The following KLHL4 variants were observed in gnomAD, a reference collection of about 807,000 sequenced individuals.
The protein encoded by KLHL4 is kelch like family member 4.
A neutral mutation model predicts 45.8 loss-of-function variants in KLHL4; 17 were observed. The observed-to-expected ratio is 0.37, with a 90% CI of 0.25 to 0.56. The LOEUF (loss-of-function observed/expected upper bound fraction) is 0.56, where lower values mean the gene tolerates loss of function less well. Ranked by LOEUF, KLHL4 falls within the 20% of genes least tolerant of loss-of-function variation. The pLI, the probability that KLHL4 is intolerant of heterozygous loss-of-function variation, is 0.79. For synonymous variants in KLHL4, 224 were observed against 189.9 expected, an observed-to-expected ratio of 1.18 and a Z score of -1.47; for missense variants, 544 against 544.9, an observed-to-expected ratio of 1.00 and a Z score of 0.02.
chrX:87,639,613 T>C (rs139752187), intron 9 of KLHL4, among the ~76,000 whole-genome samples: 5 of 111,301 alleles, frequency 4.5e-5, no homozygotes, highest in Non-Finnish European at 9.4e-5. Context: ...TGAATGATCA[T>C]TGGGTCACAG....
intron 1 of KLHL4, among the ~76,000 whole-genome samples, chrX:87,580,433 G>A (rs1225539691): frequency 1.8e-5 from 2 of 110,557 alleles, no homozygotes; most frequent in Non-Finnish European, 3.8e-5. Flanking sequence ...TTGCTGAATG[G>A]ATAAAAACGC....
At chrX:87,535,507 C>T (rs1931408611) in intron 1 of KLHL4, among the ~76,000 whole-genome samples, 1 of 111,437 alleles carries the variant, frequency 9.0e-6, no homozygotes, top group Non-Finnish European at 1.9e-5. Flanking sequence ...CATTTTATTC[C>T]ACTCTTTGCA....
At chrX:87,641,929 C>T (rs1923474423) in intron 9 of KLHL4, among the ~76,000 whole-genome samples, 1 of 107,605 alleles carries the variant, frequency 9.3e-6, no homozygotes, top group Non-Finnish European at 1.9e-5. Context: ...CCTAGCCCCA[C>T]CCCCACCTGA....
chrX:87,533,552 T>G (rs1297600510), intron 1 of KLHL4, among the ~76,000 whole-genome samples: 10 of 77,794 alleles, frequency 1.3e-4, no homozygotes, highest in African/African-American at 4.5e-4. Context: ...TGGGGACTGT[T>G]GTGGGGTGGG....
At chrX:87,660,543 G>C (rs1315397427) in intron 9 of KLHL4, among the ~76,000 whole-genome samples, 1 of 111,906 alleles carries the variant, frequency 8.9e-6, no homozygotes, top group Non-Finnish European at 1.9e-5. Flanking sequence ...AGATTTCATT[G>C]ACACTTCAAA....
intron 1 of KLHL4, among the ~76,000 whole-genome samples, chrX:87,550,241 A>G (rs1931782215): frequency 9.0e-6 from 1 of 111,280 alleles, no homozygotes; most frequent in South Asian, 3.7e-4. Flanking sequence ...AATAACAAGT[A>G]ATATGATTGA....
At chrX:87,661,582 G>A (rs184562210) in intron 9 of KLHL4, among the ~76,000 whole-genome samples, 78 of 111,161 alleles carry the variant, frequency 7.0e-4, no homozygotes, top group Middle Eastern at 4.7e-3. Context: ...ATTTACACAA[G>A]CCACTAAAAA....
chrX:87,535,559 A>G (rs1294485559), intron 1 of KLHL4, among the ~76,000 whole-genome samples: 7 of 111,651 alleles, frequency 6.3e-5, no homozygotes, highest in African/African-American at 2.3e-4. Context: ...AGCAACTATT[A>G]TACTCTGTAA....
intron 1 of KLHL4, among the ~76,000 whole-genome samples, chrX:87,575,837 C>T (rs1447374988): frequency 9.0e-6 from 1 of 111,218 alleles, no homozygotes; most frequent in Non-Finnish European, 1.9e-5. Context: ...TCTTGGATTT[C>T]ACTTCCATTT....
chrX:87,578,636 C>A (rs757626195), intron 1 of KLHL4, among the ~76,000 whole-genome samples: 3 of 112,299 alleles, frequency 2.7e-5, no homozygotes, highest in African/African-American at 9.7e-5. Context: ...TGCATTAGCC[C>A]CTTCTTAAGC....
chrX:87,556,821 T>C (rs1198530518), intron 1 of KLHL4, among the ~76,000 whole-genome samples: 2 of 111,470 alleles, frequency 1.8e-5, no homozygotes, highest in Non-Finnish European at 3.8e-5. Context: ...TCCTAGTCAG[T>C]CTTCTTTATA....
At position 87,614,544 on chromosome X, in the gene KLHL4, A is replaced by G; in HGVS notation, c.701A>G (p.Asn234Ser). The part of the protein sequence containing the change: ...RMEGVDPNAL[N>S]SLVQYAYTGV... The stretch of plus-strand genomic sequence containing the variant: ...GAAGGAGTAGATCCAAATGCACTAA[A>G]TTCCTTGGTGCAGTATGCTTACACA... Residue 234 changes from asparagine to serine, a missense_variant, in exon 3 of 11, where the codon AAT becomes AGT. Asn to Ser is a conservative substitution (Grantham distance 46). Transcript: ENST00000373119. The G allele has an allele frequency of 8.3e-7, 1 of 1,207,980 alleles. No homozygotes were observed. The highest frequency in any genetic ancestry group is 1.7e-5 in the African/African-American group (1 of 57,667).
chrX:87,609,393 C>T (rs1156635218), intron 1 of KLHL4, among the ~76,000 whole-genome samples: 1 of 111,622 alleles, frequency 9.0e-6, no homozygotes, highest in Non-Finnish European at 1.9e-5. Context: ...AAAAGTGTTC[C>T]TATTTCTCCA....
At chrX:87,600,785 A>G (rs1315551636) in intron 1 of KLHL4, among the ~76,000 whole-genome samples, 1 of 112,208 alleles carries the variant, frequency 8.9e-6, no homozygotes, top group East Asian at 2.8e-4. Flanking sequence ...TTCACCACTA[A>G]TCTGGAAATA....
chrX:87,527,972 T>C (rs1365865729), intron 1 of KLHL4, among the ~76,000 whole-genome samples: 2 of 111,213 alleles, frequency 1.8e-5, no homozygotes, highest in Admixed American at 1.9e-4. Flanking sequence ...ATCACAACCT[T>C]GGCTGCCAGG....
At chrX:87,617,514 G>C (rs763047504) in intron 3 of KLHL4, among the ~76,000 whole-genome samples, 1 of 111,486 alleles carries the variant, frequency 9.0e-6, no homozygotes, top group East Asian at 2.8e-4. Flanking sequence ...AATGTTCTTT[G>C]AGTCATAATG....
intron 9 of KLHL4, among the ~76,000 whole-genome samples, chrX:87,658,735 A>C (rs1924076526): frequency 9.0e-6 from 1 of 111,286 alleles, no homozygotes; most frequent in African/African-American, 3.3e-5. Flanking sequence ...TTCAGTGTGA[A>C]TCTCTACGCA....
Position 87,669,575 on chromosome X carries a change from ACCTTGAGAT to A in KLHL4, c.*3043_*3051del. ...TTTTAAGTTCTCTAACAAGACTCCT[ACCTTGAGAT>A]CTTAGTCTAGGTAAAGAAAAAAAAA... On this transcript the variant is annotated 3_prime_UTR_variant, in exon 11 of 11. Coordinates refer to ENST00000373119, the MANE Select transcript of KLHL4 (RefSeq NM_019117.5). The A allele has an allele frequency of 4.6e-6, 2 of 436,775 alleles. No individual in the cohort carries two copies. Among genetic ancestry groups the A allele is most frequent in the Non-Finnish European group, 7.1e-6 (2 of 282,866 alleles). 36.0% of individuals were successfully genotyped at this position (436,775 alleles called of 1,213,427 possible).
Position 87,627,866 on chromosome X carries a change from A to AT in KLHL4, c.1324+2077dup, listed in dbSNP as rs770639681. ...TTGTTTTTTATTTTTTATTTTTGGC[A>AT]TTTTTTTCGGGCTAATCTTGGTTAA... On this transcript the variant is annotated intron_variant, in intron 6 of 10. Transcript: ENST00000373119. 3.9e-4 allele frequency among the ~76,000 whole-genome samples: 43 copies of AT among 110,958 alleles called. 1 individual carries two copies. The highest frequency in any genetic ancestry group is 3.6e-3 in the Admixed American group (37 of 10,396).
Sources: gnomAD v4.1 joint callset for allele counts (sites outside exome capture counted in the v4.1 genomes callset) on GRCh38, gnomAD v4.1.1 for gene constraint, MANE v1.5 for transcripts, NCBI Gene and HGNC (gene_info 2026-07-23, HGNC 2026-07-21) for gene names.